OSBPL3: variants seen among roughly 807,000 people sequenced by gnomAD.
OSBPL3 encodes oxysterol-binding protein-related protein 3.
In OSBPL3, 65 loss-of-function variants were observed where a neutral mutation model predicts 120.1. That is an observed-to-expected ratio of 0.54 (90% CI 0.44 to 0.67). The LOEUF (loss-of-function observed/expected upper bound fraction) is 0.67. Among genes scored for constraint, OSBPL3 ranks in the 30% least tolerant of loss-of-function variants. The pLI is 0.00. For missense variants in OSBPL3, 1,004 were observed against 1,082.1 expected (o/e 0.93, Z 1.01); for synonymous variants, 416 against 402.6 (o/e 1.03, Z -0.40).
At chr7:24,828,259 C>T (rs916809795) in intron 16 of OSBPL3, among the ~76,000 whole-genome samples, 6 of 152,154 alleles carry the variant, frequency 3.9e-5, no homozygotes, top group African/African-American at 1.4e-4. Flanking sequence ...CTCCTGACCT[C>T]AAGTGATTCA....
In OSBPL3 at chr7:24,822,764, G is replaced by A. The variant is rs1274028142; in HGVS notation, c.1885-2526C>T. On this transcript the variant is annotated intron_variant, in intron 16 of 22. Coordinates refer to ENST00000313367, the MANE Select transcript of OSBPL3 (RefSeq NM_015550.4). This position sits in a 1 kb window ranked among gnomAD's most constrained non-coding sequence, Gnocchi z 5.8. ...AACAGGGATAAATATACATCCATAT[G>A]AATTACAAGAGAACCCCTACAGTAT... Among the ~76,000 whole-genome samples, 1 of 152,120 alleles carries A rather than the reference G, an allele frequency of 6.6e-6. No individual in the cohort carries two copies. The highest frequency in any genetic ancestry group is 2.4e-5 in the African/African-American group (1 of 41,434).
chr7:24,873,068 G>A lies in OSBPL3; in HGVS notation c.97-999C>T, dbSNP rs564088275. On this transcript the variant is annotated intron_variant, in intron 2 of 22. Transcript: ENST00000313367. This position sits in a 1 kb window ranked among gnomAD's most constrained non-coding sequence, Gnocchi z 4.1. ...TACTCAGTAACTGCCAGCCAAACCC[G>A]ACAGAAAACATTTCCAACACAGAGT... 4.5e-4 allele frequency among the ~76,000 whole-genome samples: 68 copies of A among 152,166 alleles called. 1 individual carries two copies. Among genetic ancestry groups the A allele is most frequent in the Middle Eastern group, 3.4e-3 (1 of 294 alleles).
chr7:24,808,962 T>C lies in OSBPL3; in HGVS notation c.2317+845A>G, dbSNP rs928689388. Among the ~76,000 whole-genome samples the C allele has an allele frequency of 5.9e-5, 9 of 152,190 alleles. No homozygotes were observed. The highest frequency in any genetic ancestry group is 2.2e-4 in the African/African-American group (9 of 41,448). ...TGACACTGAATGGTAACAACCATTT[T>C]GCATTCATTAGGGGAAACACCACGG... On this transcript the variant is annotated intron_variant, in intron 20 of 22. Transcript: ENST00000313367. The surrounding 1 kb of genome is among the most constrained non-coding windows in gnomAD (Gnocchi z 4.6).
Position 24,820,360 on chromosome 7 carries a change from CTTT to C in OSBPL3, c.1885-125_1885-123del. ...CAATGCTGAACTGAAGGAAAAACTT[CTTT>C]AGTTTCCCTCATCAAGTGTGTCCTC... On this transcript the variant is annotated intron_variant, in intron 16 of 22. Transcript: ENST00000313367. This position sits in a 1 kb window ranked among gnomAD's most constrained non-coding sequence, Gnocchi z 4.6. 1 of 672,298 alleles carries C rather than the reference CTTT, an allele frequency of 1.5e-6. No individual in the cohort carries two copies. The highest frequency in any genetic ancestry group is 2.4e-5 in the Admixed American group (1 of 40,888). 41.6% of individuals were successfully genotyped at this position (672,298 alleles called of 1,614,324 possible).
intron 1 of OSBPL3, among the ~76,000 whole-genome samples, chr7:24,927,889 G>A (rs928822136): frequency 9.2e-5 from 14 of 152,120 alleles, no homozygotes; most frequent in African/African-American, 3.1e-4. Flanking sequence ...CACCTGATAC[G>A]GTTTGGGTCT....
chr7:24,843,890 T>C (rs1798080859), intron 12 of OSBPL3, among the ~76,000 whole-genome samples: 3 of 152,238 alleles, frequency 2.0e-5, no homozygotes, highest in Admixed American at 2.0e-4. Context: ...AACAAGAGAA[T>C]AGTCCTGTGT....
chr7:24,804,330 T>C lies in OSBPL3; in HGVS notation c.2552A>G (p.Gln851Arg), dbSNP rs1213418770. Reference sequence around the variant, plus strand: ...AGGCACGAACCTGAAAAACCGAGGCTGGTGCTCCACATGATTTTCTTCTAA... The same window carrying C: ...AGGCACGAACCTGAAAAACCGAGGCCGGTGCTCCACATGATTTTCTTCTAA... ...RVLEENHVEH[Q>R]PRFFRKSDDD... Residue 851 changes from glutamine to arginine, a missense_variant, in exon 22 of 23, where the codon CAG becomes CGG. Coordinates refer to ENST00000313367, the MANE Select transcript of OSBPL3 (RefSeq NM_015550.4). This position sits in a 1 kb window ranked among gnomAD's most constrained non-coding sequence, Gnocchi z 5.4. 6.2e-7 allele frequency: 1 copy of C among 1,614,162 alleles called. No individual in the cohort carries two copies. Among genetic ancestry groups the C allele is most frequent in the East Asian group, 2.2e-5 (1 of 44,888 alleles).
chr7:24,978,596 T>A (rs537165252), intron 1 of OSBPL3, among the ~76,000 whole-genome samples: 4 of 152,304 alleles, frequency 2.6e-5, no homozygotes, highest in African/African-American at 9.6e-5. Flanking sequence ...TTTAGCCAAG[T>A]ATAGTCCTTT....
rs1801168240 is a variant in OSBPL3 at position 24,865,423 on chromosome 7, T to C, written c.592A>G (p.Asn198Asp). 3.1e-6 allele frequency: 5 copies of C among 1,613,492 alleles called. No individual in the cohort carries two copies. The highest frequency in any genetic ancestry group is 1.3e-5 in the African/African-American group (1 of 75,044). Reference protein sequence around the residue: ...SKQNLFQTGSNVSFSCGGETR... With the variant: ...SKQNLFQTGSDVSFSCGGETR... Reference sequence around the variant, plus strand: ...TCACCACCACAAGAAAATGATACATTGCTTCCAGTTTGAAATAAATTCTGC... The same window carrying C: ...TCACCACCACAAGAAAATGATACATCGCTTCCAGTTTGAAATAAATTCTGC... Residue 198 changes from asparagine to aspartate, a missense_variant, in exon 7 of 23, where the codon AAT (asparagine) becomes GAT (aspartate). Physicochemically the swap from Asn to Asp is conservative, Grantham distance 23 (BLOSUM62 1). This residue lies in a region of OSBPL3 where 255 missense variants were observed against 248.7 expected (regional missense o/e 1.03). Transcript: ENST00000313367.
chr7:24,812,231 C>T (rs374912147), intron 19 of OSBPL3, among the ~76,000 whole-genome samples: 4 of 148,736 alleles, frequency 2.7e-5, no homozygotes, highest in African/African-American at 7.5e-5. Flanking sequence ...CACTTGAACC[C>T]GGGAGGCGGA....
At position 24,972,301 on chromosome 7, in the gene OSBPL3, GGGCA is replaced by G. The variant is rs750614018; in HGVS notation, c.-150+7581_-150+7584del. On this transcript the variant is annotated intron_variant, in intron 1 of 22. Transcript: ENST00000313367. The surrounding 1 kb of genome is among the most constrained non-coding windows in gnomAD (Gnocchi z 4.3). Reference sequence around the variant, plus strand: ...CCAGCAATGGCAGAAAGACACAAAAGGGCAGGACTCTGCTCATCTCATCCTCCTT... The same window carrying G: ...CCAGCAATGGCAGAAAGACACAAAAGGGACTCTGCTCATCTCATCCTCCTT... 1.6e-4 allele frequency among the ~76,000 whole-genome samples: 25 copies of G among 152,268 alleles called. 3 individuals carry two copies. In the South Asian group the frequency reaches 1.7e-3, roughly 10 times the overall value.
rs996407185 is a variant in OSBPL3, at chr7:24,898,697, G to A, written c.-149-6076C>T. Among the ~76,000 whole-genome samples, 1 of 152,118 alleles carries A rather than the reference G, an allele frequency of 6.6e-6. No homozygotes were observed. The highest frequency in any genetic ancestry group is 6.5e-5 in the Admixed American group (1 of 15,276). On this transcript the variant is annotated intron_variant, in intron 1 of 22. Coordinates refer to ENST00000313367, the MANE Select transcript of OSBPL3 (RefSeq NM_015550.4). The surrounding 1 kb of genome is among the most constrained non-coding windows in gnomAD (Gnocchi z 4.3). ...ACAATGGTATCTGGCTGTCAGTTTA[G>A]GCTGGAACCATTTATTTGTCATCAC...
At position 24,849,447 on chromosome 7, in the gene OSBPL3, G is replaced by C. The variant is rs1798871116; in HGVS notation, c.1159-271C>G. The C allele has an allele frequency of 4.1e-6, 1 of 244,796 alleles. No individual in the cohort carries two copies. The highest frequency in any genetic ancestry group is 5.9e-5 in the South Asian group (1 of 17,002). The allele number at this position is 244,796 out of a possible 1,614,324, so 15.2% of individuals were successfully genotyped here. A position where few individuals can be genotyped will look rare whatever the true frequency, so the allele number is the denominator to read the frequency against. On this transcript the variant is annotated intron_variant, in intron 11 of 22. Coordinates refer to ENST00000313367, the MANE Select transcript of OSBPL3 (RefSeq NM_015550.4). The surrounding 1 kb of genome is among the most constrained non-coding windows in gnomAD (Gnocchi z 5.4). ...AGGGAGGGTTGGTAAGTGCAACAGA[G>C]AGGGAAGTCACAGACACTGTCGGCT...
At position 24,852,465 on chromosome 7, in the gene OSBPL3, C is replaced by T; in HGVS notation, c.1158+39G>A. ...ATTACAAACCATTCATGAGCCTGGA[C>T]ACATCTCAGGCATTCCTGGAGGCAG... On this transcript the variant is annotated intron_variant, in intron 11 of 22. Coordinates refer to ENST00000313367, the MANE Select transcript of OSBPL3 (RefSeq NM_015550.4). This position sits in a 1 kb window ranked among gnomAD's most constrained non-coding sequence, Gnocchi z 4.1. 6.7e-7 allele frequency: 1 copy of T among 1,503,262 alleles called. No homozygotes were observed. Among genetic ancestry groups the T allele is most frequent in the Non-Finnish European group, 8.9e-7 (1 of 1,128,298 alleles). The allele number at this position is 1,503,262 out of a possible 1,614,324, so 93.1% of individuals were successfully genotyped here.
chr7:24,830,763 T>G lies in OSBPL3; in HGVS notation c.1884+5A>C. On this transcript the variant is annotated splice_donor_5th_base_variant and intron_variant, in intron 16 of 22. Transcript: ENST00000313367. This position sits in a 1 kb window ranked among gnomAD's most constrained non-coding sequence, Gnocchi z 4.4. Reference sequence around the variant, plus strand: ...CCCAACAAGCAAAAAATGGTGTACATCTACCTGTTCTGAAAAAAACTGGAA... The same window carrying G: ...CCCAACAAGCAAAAAATGGTGTACAGCTACCTGTTCTGAAAAAAACTGGAA... 6.2e-7 allele frequency: 1 copy of G among 1,607,386 alleles called. No homozygotes were observed. The highest frequency in any genetic ancestry group is 8.5e-7 in the Non-Finnish European group (1 of 1,178,294).
intron 2 of OSBPL3, among the ~76,000 whole-genome samples, chr7:24,876,272 G>A (rs1562869777): frequency 6.6e-6 from 1 of 152,130 alleles, no homozygotes; most frequent in Non-Finnish European, 1.5e-5. Context: ...CTTTTCCAAC[G>A]ATGTGAACTC....
Position 24,871,330 on chromosome 7 carries a change from C to T in OSBPL3, c.267+412G>A, listed in dbSNP as rs886963565. Among the ~76,000 whole-genome samples the T allele has an allele frequency of 6.6e-6, 1 of 152,210 alleles. No homozygotes were observed. Among genetic ancestry groups the T allele is most frequent in the Non-Finnish European group, 1.5e-5 (1 of 68,046 alleles). On this transcript the variant is annotated intron_variant, in intron 4 of 22. Coordinates refer to ENST00000313367, the MANE Select transcript of OSBPL3 (RefSeq NM_015550.4). This position sits in a 1 kb window ranked among gnomAD's most constrained non-coding sequence, Gnocchi z 4.8. The stretch of plus-strand genomic sequence containing the variant: ...GGGACAGGACAAATGGTCATTCACA[C>T]ACAGAGCCTTCACACACCAACTGCC...
rs1354113233 is a variant in OSBPL3 at position 24,912,804 on chromosome 7, C to A, written c.-149-20183G>T. Among the ~76,000 whole-genome samples, 2 of 152,220 alleles carry A rather than the reference C, an allele frequency of 1.3e-5. No individual in the cohort carries two copies. The highest frequency in any genetic ancestry group is 2.9e-5 in the Non-Finnish European group (2 of 68,038). On this transcript the variant is annotated intron_variant, in intron 1 of 22. Coordinates refer to ENST00000313367, the MANE Select transcript of OSBPL3 (RefSeq NM_015550.4). The surrounding 1 kb of genome is among the most constrained non-coding windows in gnomAD (Gnocchi z 4.5). Reference sequence around the variant, plus strand: ...GTGACACTTCTTCATCAATAGATGGCTTCTATATTCCCATCCTTCAAATTT... The same window carrying A: ...GTGACACTTCTTCATCAATAGATGGATTCTATATTCCCATCCTTCAAATTT...
Position 24,798,956 on chromosome 7 carries a change from G to A in OSBPL3, c.*1227C>T, listed in dbSNP as rs757749052. ...TGTGAAATAACACATTTAAAAAGAC[G>A]AAGGTTCCCCTTTCAGTAGTTATAA... On this transcript the variant is annotated 3_prime_UTR_variant, in exon 23 of 23. Coordinates refer to ENST00000313367, the MANE Select transcript of OSBPL3 (RefSeq NM_015550.4). This position sits in a 1 kb window ranked among gnomAD's most constrained non-coding sequence, Gnocchi z 4.6. 9.8e-5 allele frequency: 15 copies of A among 152,526 alleles called. No homozygotes were observed. The highest frequency in any genetic ancestry group is 9.7e-5 in the African/African-American group (4 of 41,418). 9.4% of individuals were successfully genotyped at this position (152,526 alleles called of 1,614,324 possible). A position where few individuals can be genotyped will look rare whatever the true frequency, so the allele number is the denominator to read the frequency against.
Sources: allele counts gnomAD v4.1 joint callset (sites outside exome capture counted in the v4.1 genomes callset), GRCh38; gene constraint gnomAD v4.1.1; regional missense constraint gnomAD v4.1.1; non-coding constraint Gnocchi (gnomAD v3.1); transcripts MANE v1.5; gene names NCBI Gene and HGNC (gene_info 2026-07-23, HGNC 2026-07-21).